LIMA1: variants seen among roughly 807,000 people sequenced by gnomAD.
The protein encoded by LIMA1 is LIM domain and actin binding 1.
LIMA1 carries 52 observed loss-of-function variants against 62.6 expected under a neutral mutation model. The observed-to-expected ratio is 0.83, with a 90% CI of 0.67 to 1.05. The LOEUF (loss-of-function observed/expected upper bound fraction) is 1.05, where lower values mean the gene tolerates loss of function less well. Among genes scored for constraint, LIMA1 ranks in the 50% least tolerant of loss-of-function variants. The pLI is 0.00. For missense variants in LIMA1, 780 were observed against 902.2 expected, an observed-to-expected ratio of 0.86 and a Z score of 1.74; for synonymous variants, 302 against 317.8, an observed-to-expected ratio of 0.95 and a Z score of 0.53.
In LIMA1 at chr12:50,200,800, T is replaced by C. The variant is rs1941032262; in HGVS notation, c.949A>G (p.Ile317Val). The C allele has an allele frequency of 6.2e-7, 1 of 1,614,182 alleles. No individual in the cohort carries two copies. Among genetic ancestry groups the C allele is most frequent in the Non-Finnish European group, 8.5e-7 (1 of 1,180,014 alleles). Residue 317 changes from isoleucine to valine, a missense_variant, in exon 7 of 11, where the codon ATC (isoleucine) becomes GTC (valine). Ile to Val is a conservative substitution (Grantham distance 29). Coordinates refer to ENST00000341247, the MANE Select transcript of LIMA1 (RefSeq NM_016357.5). ...ACCTTTTCCCCTTCCTGATGGGTGA[T>C]GCAGACCTCAGGACCTGGGGGCACA... The part of the protein sequence containing the change: ...ENVPPGPEVC[I>V]THQEGEKISA...
At chr12:50,259,239 C>G (rs1942035925) in intron 1 of LIMA1, among the ~76,000 whole-genome samples, 1 of 152,142 alleles carries the variant, frequency 6.6e-6, no homozygotes, top group African/African-American at 2.4e-5. Context: ...ACACACATGG[C>G]CCTTTTCCAA....
intron 2 of LIMA1, among the ~76,000 whole-genome samples, chr12:50,241,950 TTTTTTTTTTTTTTTTTTTTTTTG>T (rs1941783342): frequency 7.7e-6 from 1 of 129,202 alleles, no homozygotes; most frequent in South Asian, 2.7e-4. Context: ...TTTTTTTTTT[TTTTTTTTTTTTTTTTTTTTTTTG>T]CGGTCCAGCC....
In LIMA1 at chr12:50,192,434, G is replaced by A. The variant is rs749374718; in HGVS notation, c.1140+18C>T. ...GTAGACCAATGTCCAAAGGCTCAGA[G>A]AGAAATTGCCATCATACCTTCATTG... On this transcript the variant is annotated intron_variant, in intron 9 of 10. Transcript: ENST00000341247. 2.7e-6 allele frequency: 4 copies of A among 1,499,836 alleles called. No individual in the cohort carries two copies. The highest frequency in any genetic ancestry group is 2.3e-5 in the East Asian group (1 of 44,392). The allele number at this position is 1,499,836 out of a possible 1,614,324, so 92.9% of individuals were successfully genotyped here. A position where few individuals can be genotyped will look rare whatever the true frequency, so the allele number is the denominator to read the frequency against.
chr12:50,205,806 A>G (rs1474327681), intron 5 of LIMA1, among the ~76,000 whole-genome samples, 178 bp downstream of exon 5: 1 of 152,128 alleles, frequency 6.6e-6, no homozygotes, highest in East Asian at 1.9e-4. Context: ...AAAAAAAAAA[A>G]AAAAAAAAAG....
rs775552561 is a variant in LIMA1 at position 50,200,846 on chromosome 12, A to G, written c.903T>C (p.His301=). 12 of 1,614,000 alleles carry G rather than the reference A, an allele frequency of 7.4e-6. No individual in the cohort carries two copies. The African/African-American group carries it at 1.1e-4, about 14-fold the overall frequency. The change falls in exon 7 of 11, where the codon CAT becomes CAC. Residue 301 remains histidine (H), a synonymous_variant. Transcript: ENST00000341247. ...GCACATTCTCCTTTTGCTCCATTTT[A>G]TGAATTTTGATTTCGCCACCACTGG... The part of the protein sequence containing the change: ...LKASGGEIKI[H]KMEQKENVPP...
At chr12:50,266,002 T>A (rs567725371) in intron 1 of LIMA1, among the ~76,000 whole-genome samples, 1 of 152,212 alleles carries the variant, frequency 6.6e-6, no homozygotes, top group African/African-American at 2.4e-5. Flanking sequence ...TCCTTCACTG[T>A]CTAGGCTCCT....
intron 4 of LIMA1, among the ~76,000 whole-genome samples, chr12:50,209,209 T>A (rs1388803504): frequency 2.6e-5 from 4 of 152,124 alleles, no homozygotes; most frequent in African/African-American, 4.8e-5. Flanking sequence ...CATACTTTCA[T>A]GAATTATTAT....
At chr12:50,178,968 T>TTTTC in intron 10 of LIMA1, among the ~76,000 whole-genome samples, 1 of 92,762 alleles carries the variant, frequency 1.1e-5, no homozygotes, top group East Asian at 5.0e-4. Flanking sequence ...ATATATATAT[T>TTTTC]TTTTTTTTCT....
chr12:50,239,831 TA>T (rs1029866032), intron 2 of LIMA1, among the ~76,000 whole-genome samples: 21 of 147,066 alleles, frequency 1.4e-4, no homozygotes, highest in Non-Finnish European at 1.4e-4. Context: ...CCCCATCTCT[TA>T]AAAAAAAAAT....
chr12:50,201,230 G>A (rs1369394024), intron 6 of LIMA1: 13 of 1,042,548 alleles, frequency 1.2e-5, no homozygotes, highest in Non-Finnish European at 1.3e-5. Flanking sequence ...AAGCTTGTGA[G>A]TTTTATCAGA....
chr12:50,210,110 A>G (rs1326213642), intron 4 of LIMA1, among the ~76,000 whole-genome samples: 1 of 152,218 alleles, frequency 6.6e-6, no homozygotes, highest in Non-Finnish European at 1.5e-5. Context: ...GAGAAAGCCT[A>G]CTGATAAACT....
At chr12:50,182,429 A>G (rs940546460) in intron 9 of LIMA1, among the ~76,000 whole-genome samples, 2 of 152,220 alleles carry the variant, frequency 1.3e-5, no homozygotes, top group Non-Finnish European at 2.9e-5. Context: ...TTCAAGTGCC[A>G]AGTAAACACA....
At chr12:50,239,596 C>T (rs909923742) in intron 2 of LIMA1, among the ~76,000 whole-genome samples, 1 of 151,926 alleles carries the variant, frequency 6.6e-6, no homozygotes, top group Non-Finnish European at 1.5e-5. Flanking sequence ...GCCAAGATAG[C>T]ACCACCACAC....
intron 2 of LIMA1, among the ~76,000 whole-genome samples, chr12:50,239,950 C>T (rs1052635380): frequency 2.4e-4 from 37 of 151,998 alleles, no homozygotes; most frequent in African/African-American, 8.4e-4. Context: ...GCCGTGATGG[C>T]GCCACTGCAC....
At chr12:50,246,231 CAAAA>C (rs923214910) in intron 2 of LIMA1, among the ~76,000 whole-genome samples, 2 of 51,362 alleles carry the variant, frequency 3.9e-5, no homozygotes, top group Non-Finnish European at 8.1e-5. Context: ...GACTCCATCT[CAAAA>C]AAAAAAAAAA....
chr12:50,235,484 C>T (rs1941679028), intron 2 of LIMA1, among the ~76,000 whole-genome samples: 1 of 152,016 alleles, frequency 6.6e-6, no homozygotes, highest in African/African-American at 2.4e-5. Context: ...ACGCTGGTCT[C>T]GAACTCCTGA....
chr12:50,226,529 T>A (rs1941529769), intron 3 of LIMA1, among the ~76,000 whole-genome samples: 2 of 151,920 alleles, frequency 1.3e-5, no homozygotes, highest in Admixed American at 1.3e-4. Context: ...AAGAAGGGTG[T>A]AGAAAAAAAC....
intron 5 of LIMA1, 121 bp from the exon 6 acceptor site, chr12:50,204,821 G>A: frequency 2.2e-6 from 2 of 895,062 alleles, no homozygotes; most frequent in Non-Finnish European, 3.4e-6. Context: ...CTGAGCTCAA[G>A]ATATCCTCCC....
chr12:50,239,935 A>G (rs1368863184), intron 2 of LIMA1, among the ~76,000 whole-genome samples: 1 of 152,074 alleles, frequency 6.6e-6, no homozygotes, highest in Non-Finnish European at 1.5e-5. Context: ...TTGAGGATGC[A>G]GTGTGCCGTG....
Sources: gnomAD v4.1 joint callset for allele counts (sites outside exome capture counted in the v4.1 genomes callset) on GRCh38, gnomAD v4.1.1 for gene constraint, MANE v1.5 for transcripts, NCBI Gene and HGNC (gene_info 2026-07-23, HGNC 2026-07-21) for gene names.